Variants in HIVEP3 observed in about 807,000 individuals in gnomAD.
HIVEP3 encodes transcription factor HIVEP3.
A neutral mutation model predicts 152.8 loss-of-function variants in HIVEP3; 49 were observed. That is an observed-to-expected ratio of 0.32 (90% confidence interval 0.26 to 0.41). The LOEUF (loss-of-function observed/expected upper bound fraction) is 0.41. Among genes scored for constraint, HIVEP3 ranks in the 10% least tolerant of loss-of-function variants. The probability of loss-of-function intolerance (pLI) is 1.00; values close to 1 mark genes in which losing one functional copy is unlikely to be tolerated. For synonymous variants in HIVEP3, 1,269 were observed against 1,289.0 expected (o/e 0.98, Z 0.33); for missense variants, 2,790 against 3,103.3 (o/e 0.90, Z 2.40).
intron 1 of HIVEP3, among the ~76,000 whole-genome samples, chr1:41,913,088 C>A (rs991330440): frequency 6.6e-5 from 10 of 152,196 alleles, no homozygotes; most frequent in Admixed American, 5.9e-4. Flanking sequence ...TCCCAAGATG[C>A]CACCAGGGAA....
intron 2 of HIVEP3, among the ~76,000 whole-genome samples, chr1:41,680,430 CA>C (rs1192974256): frequency 6.6e-6 from 1 of 152,234 alleles, no homozygotes; most frequent in African/African-American, 2.4e-5. Context: ...AGATCACTTA[CA>C]GGTTCTTAGC....
intron 1 of HIVEP3, chr1:41,847,974 T>C (rs1297258736): frequency 1.3e-5 from 2 of 152,290 alleles, no homozygotes; most frequent in Non-Finnish European, 2.9e-5. Flanking sequence ...AGATATGACA[T>C]GAACTTGGCA....
intron 1 of HIVEP3, among the ~76,000 whole-genome samples, chr1:41,735,087 T>C (rs960118919): frequency 3.2e-4 from 48 of 152,214 alleles, no homozygotes; most frequent in African/African-American, 1.2e-3. Flanking sequence ...TTCAACACAT[T>C]TGTCTTCAAC....
At chr1:41,871,563 A>G (rs914461941) in intron 1 of HIVEP3, among the ~76,000 whole-genome samples, 1 of 152,246 alleles carries the variant, frequency 6.6e-6, no homozygotes, top group Non-Finnish European at 1.5e-5. Flanking sequence ...TAAGTGAACA[A>G]TGAAAATGTA....
intron 1 of HIVEP3, among the ~76,000 whole-genome samples, chr1:41,792,332 G>A (rs1186866570): frequency 6.6e-6 from 1 of 152,190 alleles, no homozygotes; most frequent in African/African-American, 2.4e-5. Flanking sequence ...GCTTGCTCTT[G>A]AGCATATTCT....
rs979826270 is a variant in HIVEP3, at chr1:41,601,137, T to C, written c.-521-15819A>G. Among the ~76,000 whole-genome samples the C allele has an allele frequency of 5.9e-5, 9 of 152,314 alleles. No individual in the cohort carries two copies. The South Asian group carries it at 1.2e-3, about 21-fold the overall frequency. Reference sequence around the variant, plus strand: ...CATGTCTGTCTTTATGTCAGTACCATACTGTTTTGATTAGTGTAATTTTTT... The same window carrying C: ...CATGTCTGTCTTTATGTCAGTACCACACTGTTTTGATTAGTGTAATTTTTT... On this transcript the variant is annotated intron_variant, in intron 3 of 8. Coordinates refer to ENST00000372583, the MANE Select transcript of HIVEP3 (RefSeq NM_024503.5).
chr1:41,944,613 A>G (rs1375452423), intron 1 of HIVEP3, among the ~76,000 whole-genome samples: 1 of 152,212 alleles, frequency 6.6e-6, no homozygotes, highest in Non-Finnish European at 1.5e-5. Flanking sequence ...ACACTGGTAA[A>G]GGACCACTGG....
At chr1:42,003,127 G>A (rs780264554) in intron 1 of HIVEP3, among the ~76,000 whole-genome samples, 10 of 151,742 alleles carry the variant, frequency 6.6e-5, no homozygotes, top group Non-Finnish European at 1.5e-4. Flanking sequence ...CCAGGCTGGA[G>A]TACAGTGGCA....
At chr1:41,757,259 G>C (rs1647365588) in intron 1 of HIVEP3, among the ~76,000 whole-genome samples, 1 of 151,898 alleles carries the variant, frequency 6.6e-6, no homozygotes, top group African/African-American at 2.4e-5. Flanking sequence ...GGGACTACAG[G>C]CGCCTGCCAC....
At chr1:41,789,810 G>C (rs761108618) in intron 1 of HIVEP3, among the ~76,000 whole-genome samples, 7 of 152,118 alleles carry the variant, frequency 4.6e-5, no homozygotes, top group Non-Finnish European at 1.0e-4. Flanking sequence ...GCTGGGTTGG[G>C]ACCAGACAGT....
chr1:42,005,113 A>G (rs1570885566), intron 1 of HIVEP3, among the ~76,000 whole-genome samples: 1 of 152,050 alleles, frequency 6.6e-6, no homozygotes, highest in Non-Finnish European at 1.5e-5. Context: ...TACCCCATAC[A>G]GGGCTTGGCT....
At chr1:41,904,558 G>A (rs967363204) in intron 1 of HIVEP3, among the ~76,000 whole-genome samples, 6 of 152,124 alleles carry the variant, frequency 3.9e-5, no homozygotes, top group East Asian at 1.9e-4. Context: ...AGAGTGCGCC[G>A]TAAAAGGAGG....
chr1:41,915,539 G>A (rs1644858169), intron 1 of HIVEP3, among the ~76,000 whole-genome samples: 1 of 152,174 alleles, frequency 6.6e-6, no homozygotes, highest in Non-Finnish European at 1.5e-5. Context: ...AGGCCTGAAA[G>A]AGGGTATAAA....
intron 3 of HIVEP3, among the ~76,000 whole-genome samples, chr1:41,592,632 G>T (rs1644604231): frequency 1.3e-5 from 2 of 152,154 alleles, no homozygotes; most frequent in African/African-American, 4.8e-5. Context: ...CCACCTACTG[G>T]CCCACCATCC....
chr1:41,534,604 C>A (rs945242613), intron 5 of HIVEP3, among the ~76,000 whole-genome samples: 1 of 152,222 alleles, frequency 6.6e-6, no homozygotes, highest in African/African-American at 2.4e-5. Context: ...ATCATCCCTG[C>A]GCGGGTGAGG....
At chr1:41,547,001 G>A (rs758980953) in intron 5 of HIVEP3, among the ~76,000 whole-genome samples, 2 of 152,206 alleles carry the variant, frequency 1.3e-5, no homozygotes, top group East Asian at 1.9e-4. Flanking sequence ...CTCATCGGGA[G>A]TGGTGGGAGG....
chr1:41,635,224 G>A (rs1465310184), intron 2 of HIVEP3, among the ~76,000 whole-genome samples: 2 of 152,050 alleles, frequency 1.3e-5, no homozygotes, highest in African/African-American at 4.8e-5. Flanking sequence ...GGACAGCAAC[G>A]CTATCGTAGG....
At chr1:41,815,610 A>G (rs1405695002) in intron 1 of HIVEP3, among the ~76,000 whole-genome samples, 1 of 152,224 alleles carries the variant, frequency 6.6e-6, no homozygotes, top group Non-Finnish European at 1.5e-5. Flanking sequence ...AAGCAGGGGA[A>G]GATAGGGAGG....
intron 1 of HIVEP3, among the ~76,000 whole-genome samples, chr1:41,952,421 T>C (rs1333048133): frequency 7.8e-6 from 1 of 127,562 alleles, no homozygotes; most frequent in East Asian, 2.2e-4. Flanking sequence ...CATTTTCTTT[T>C]GTTCATTCAT....
Sources: allele counts gnomAD v4.1 joint callset (sites outside exome capture counted in the v4.1 genomes callset), GRCh38; gene constraint gnomAD v4.1.1; transcripts MANE v1.5; gene names NCBI Gene and HGNC (gene_info 2026-07-23, HGNC 2026-07-21).